NALCN: variants seen among roughly 807,000 people sequenced by gnomAD.
NALCN encodes sodium leak channel, non-selective, also known as sodium leak channel NALCN.
In NALCN, 111 loss-of-function variants were observed where a neutral mutation model predicts 225.3. The ratio of observed to expected loss-of-function variants is 0.49; its 90% CI spans 0.42 to 0.58. The LOEUF is 0.58. Among genes scored for constraint, NALCN ranks in the 20% least tolerant of loss-of-function variants. The pLI, the probability that NALCN is intolerant of heterozygous loss-of-function variation, is 0.00. For synonymous variants in NALCN, 764 were observed against 769.0 expected (o/e 0.99, Z 0.11); for missense variants, 1,378 against 2,202.4 (o/e 0.63, Z 7.49).
chr13:101,215,446 G>C (rs2040692228), intron 13 of NALCN, among the ~76,000 whole-genome samples: 1 of 152,084 alleles, frequency 6.6e-6, no homozygotes, highest in South Asian at 2.1e-4. Context: ...GTTTTTGAAG[G>C]TCAGAATGTG....
chr13:101,159,480 C>G (rs897961858), intron 15 of NALCN, among the ~76,000 whole-genome samples: 1 of 151,954 alleles, frequency 6.6e-6, no homozygotes, highest in Admixed American at 6.6e-5. Context: ...GGCCAGGGGT[C>G]GGAGCAGAAA....
At chr13:101,228,744 T>C (rs900236017) in intron 13 of NALCN, among the ~76,000 whole-genome samples, 1 of 152,260 alleles carries the variant, frequency 6.6e-6, no homozygotes, top group Non-Finnish European at 1.5e-5. Context: ...ATAATAGGCC[T>C]TACTATTTCA....
intron 13 of NALCN, among the ~76,000 whole-genome samples, chr13:101,212,368 A>T (rs948856278): frequency 6.6e-6 from 1 of 152,158 alleles, no homozygotes; most frequent in African/African-American, 2.4e-5. Context: ...CTTTGCTATT[A>T]CTTTAGAACT....
intron 15 of NALCN, among the ~76,000 whole-genome samples, chr13:101,150,208 G>A (rs1213272451): frequency 4.6e-5 from 7 of 152,050 alleles, no homozygotes; most frequent in East Asian, 3.9e-4. Flanking sequence ...TGGCACTGAC[G>A]TGTGCTGCCG....
At chr13:101,340,734 C>G (rs973029318) in intron 7 of NALCN, among the ~76,000 whole-genome samples, 1 of 152,160 alleles carries the variant, frequency 6.6e-6, no homozygotes, top group Non-Finnish European at 1.5e-5. Flanking sequence ...ACAAAGGAGT[C>G]ATGTGCCCCT....
chr13:101,315,287 A>T (rs2044514345), intron 7 of NALCN, among the ~76,000 whole-genome samples: 1 of 152,202 alleles, frequency 6.6e-6, no homozygotes, highest in African/African-American at 2.4e-5. Context: ...AGAGAGCGAA[A>T]ACTGTCAAGA....
At chr13:101,218,756 G>A (rs776706747) in intron 13 of NALCN, among the ~76,000 whole-genome samples, 1 of 151,976 alleles carries the variant, frequency 6.6e-6, no homozygotes, top group Admixed American at 6.6e-5. Context: ...AGACTTGCCT[G>A]CTTCCCCTTT....
intron 20 of NALCN, among the ~76,000 whole-genome samples, chr13:101,109,967 T>C (rs1167342100): frequency 6.6e-6 from 1 of 152,136 alleles, no homozygotes; most frequent in Non-Finnish European, 1.5e-5. Context: ...CTCCAGAAAT[T>C]CCATTATATT....
intron 17 of NALCN, among the ~76,000 whole-genome samples, chr13:101,131,208 GTAATTTT>G (rs2036500609): frequency 6.6e-6 from 1 of 151,996 alleles, no homozygotes; most frequent in African/African-American, 2.4e-5. Flanking sequence ...TCATCCTTAT[GTAATTTT>G]TAATGTCTTT....
intron 18 of NALCN, 122 bp from the exon 19 acceptor site, chr13:101,111,348 A>G (rs1340960325): frequency 4.2e-6 from 3 of 711,118 alleles, no homozygotes; most frequent in African/African-American, 3.5e-5. Context: ...AAAATACAGC[A>G]AATAACGTAT....
At chr13:101,126,007 T>A (rs1015611838) in intron 17 of NALCN, among the ~76,000 whole-genome samples, 4 of 152,292 alleles carry the variant, frequency 2.6e-5, no homozygotes, top group Admixed American at 2.6e-4. Context: ...CCTAGTTAGT[T>A]TCTTTTCAAC....
intron 6 of NALCN, among the ~76,000 whole-genome samples, chr13:101,349,031 ACT>A (rs2045828561): frequency 1.3e-5 from 2 of 151,956 alleles, no homozygotes; most frequent in African/African-American, 2.4e-5. Flanking sequence ...AGAACAAGTG[ACT>A]CTCTGGAGTT....
intron 13 of NALCN, among the ~76,000 whole-genome samples, chr13:101,198,678 T>G (rs2039988773): frequency 1.3e-5 from 2 of 152,238 alleles, no homozygotes; most frequent in Middle Eastern, 3.4e-3. Flanking sequence ...TACGAACACT[T>G]TTACACTGTT....
At chr13:101,070,581 T>G (rs1286008866) in intron 37 of NALCN, among the ~76,000 whole-genome samples, 1 of 152,228 alleles carries the variant, frequency 6.6e-6, no homozygotes, top group Non-Finnish European at 1.5e-5. Context: ...GTTAATCTCC[T>G]TATACATCTC....
rs867467226 is a variant in NALCN, at chr13:101,258,565, G to A, written c.1144C>T (p.Arg382Trp). The change falls in exon 11 of 44, where the codon CGG becomes TGG. Residue 382 changes from arginine (R) to tryptophan (W), a missense_variant. Physicochemically the swap from Arg to Trp is moderately radical, Grantham distance 101. Transcript: ENST00000251127. ...ATGAACATGTGGAAAACGGATGACC[G>A]CATCATTTTCTGAGGGGGCGAAACA... The part of the protein sequence containing the change: ...RAPACLQKMM[R>W]SSVFHMFILS... 1 of 1,614,092 alleles carries A rather than the reference G, an allele frequency of 6.2e-7. No individual in the cohort carries two copies. The highest frequency in any genetic ancestry group is 8.5e-7 in the Non-Finnish European group (1 of 1,180,000).
At chr13:101,234,835 A>ACTATCTAT (rs56229940) in intron 12 of NALCN, among the ~76,000 whole-genome samples, 9 of 144,834 alleles carry the variant, frequency 6.2e-5, no homozygotes, top group African/African-American at 7.6e-5. Context: ...CTATCTATCT[A>ACTATCTAT]CTATCTATCT....
chr13:101,116,206 G>T (rs1256658367), intron 18 of NALCN, among the ~76,000 whole-genome samples: 1 of 151,602 alleles, frequency 6.6e-6, no homozygotes, highest in East Asian at 1.9e-4. Context: ...ATTACCCCTG[G>T]TTTCTTGCCA....
Position 101,143,173 on chromosome 13 carries a change from A to C in NALCN, c.2025T>G (p.Cys675Trp). The C allele has an allele frequency of 6.2e-7, 1 of 1,613,826 alleles. No individual in the cohort carries two copies. Among genetic ancestry groups the C allele is most frequent in the Non-Finnish European group, 8.5e-7 (1 of 1,179,928 alleles). The change falls in exon 17 of 44, where the codon TGT becomes TGG. Residue 675 changes from cysteine (C) to tryptophan (W), a missense_variant. By Grantham distance (215) the Cys-to-Trp change is radical. Coordinates refer to ENST00000251127, the MANE Select transcript of NALCN (RefSeq NM_052867.4). ...QFIDRQQQDT[C>W]CLLRSLPTTS... The stretch of plus-strand genomic sequence containing the variant: ...TGGTCGGGAGGCTTCTCAGGAGGCA[A>C]CATGTGTCCTGTTGCTGGCGGTCAA...
In NALCN at chr13:101,243,070, C is replaced by G. The variant is rs1358417253; in HGVS notation, c.1267-5148G>C. Among the ~76,000 whole-genome samples, 5 of 90,458 alleles carry G rather than the reference C, an allele frequency of 5.5e-5. 1 individual carries two copies. Among genetic ancestry groups the G allele is most frequent in the Non-Finnish European group, 1.2e-4 (5 of 42,558 alleles). The allele number at this position is 90,458 out of a possible 152,430, so 59.3% of individuals were successfully genotyped here. ...TTTAATCTCACTAAAATTTAGTGAGCTCTTTCAGTTTGCAGATTTATGTTT... is the reference window on the plus strand; with the variant it reads ...TTTAATCTCACTAAAATTTAGTGAGGTCTTTCAGTTTGCAGATTTATGTTT... On this transcript the variant is annotated intron_variant, in intron 11 of 43. Transcript: ENST00000251127.
Sources: gnomAD v4.1 joint callset for allele counts (sites outside exome capture counted in the v4.1 genomes callset) on GRCh38, gnomAD v4.1.1 for gene constraint, MANE v1.5 for transcripts, NCBI Gene and HGNC (gene_info 2026-07-23, HGNC 2026-07-21) for gene names.